Variants in TMPRSS7 observed in about 807,000 individuals in gnomAD.
TMPRSS7 encodes transmembrane protease serine 7.
TMPRSS7 carries 81 observed loss-of-function variants against 95.6 expected under a neutral mutation model. The ratio of observed to expected loss-of-function variants is 0.85; its 90% CI spans 0.71 to 1.02. The LOEUF (loss-of-function observed/expected upper bound fraction) is 1.02, where lower values mean the gene tolerates loss of function less well. Among genes scored for constraint, TMPRSS7 ranks in the 50% least tolerant of loss-of-function variants. The probability of loss-of-function intolerance (pLI) is 0.00; values close to 1 mark genes in which losing one functional copy is unlikely to be tolerated. For synonymous variants in TMPRSS7, 364 were observed against 337.8 expected, an observed-to-expected ratio of 1.08 and a Z score of -0.85; for missense variants, 945 against 955.2, an observed-to-expected ratio of 0.99 and a Z score of 0.14.
chr3:112,059,857 A>G (rs2073477688), intron 10 of TMPRSS7, among the ~76,000 whole-genome samples: 2 of 152,230 alleles, frequency 1.3e-5, no homozygotes, highest in Non-Finnish European at 1.5e-5. Context: ...TGTCTGATCC[A>G]TGGAAGATGC....
At chr3:112,052,055 G>A (rs2073367084) in intron 9 of TMPRSS7, among the ~76,000 whole-genome samples, 1 of 152,012 alleles carries the variant, frequency 6.6e-6, no homozygotes, top group Admixed American at 6.5e-5. Context: ...TCCAGTAGGG[G>A]AAGGCAAGTA....
chr3:112,034,767 A>G (rs2073139814), upstream of TMPRSS7: 9 of 689,368 alleles, frequency 1.3e-5, no homozygotes, highest in Admixed American at 8.4e-5. Flanking sequence ...GGTTCTCTCA[A>G]TTCTTCTCAA....
intron 13 of TMPRSS7, among the ~76,000 whole-genome samples, chr3:112,072,706 G>A (rs186579649): frequency 1.4e-4 from 21 of 152,346 alleles, no homozygotes; most frequent in Non-Finnish European, 7.3e-5. Context: ...CCAGGCTGCC[G>A]CCTGGCAGTT....
chr3:112,049,753 G>C, intron 7 of TMPRSS7, 91 bp from the exon 8 acceptor site: 1 of 1,106,632 alleles, frequency 9.0e-7, no homozygotes, highest in East Asian at 2.5e-5. Flanking sequence ...TGAATGGATG[G>C]CCCAGGAAAT....
intron 8 of TMPRSS7, 150 bp downstream of exon 8, chr3:112,050,124 G>T: frequency 5.5e-6 from 4 of 724,118 alleles, no homozygotes; most frequent in East Asian, 3.1e-5. Flanking sequence ...GACCATATTA[G>T]TTATTTAGAC....
At chr3:112,051,281 A>G (rs190432475) in intron 9 of TMPRSS7, among the ~76,000 whole-genome samples, 20 of 152,278 alleles carry the variant, frequency 1.3e-4, no homozygotes, top group Admixed American at 5.9e-4. Flanking sequence ...TATAACAACT[A>G]TTTATATAGA....
At chr3:112,072,121 A>G (rs2107760563) in intron 13 of TMPRSS7, among the ~76,000 whole-genome samples, 1 of 152,214 alleles carries the variant, frequency 6.6e-6, no homozygotes, top group East Asian at 1.9e-4. Flanking sequence ...TGACTTACAG[A>G]TGGGGTTTTG....
rs1415230882 is a variant in TMPRSS7 at position 112,061,784 on chromosome 3, C to G, written c.1311-3C>G. On this transcript the variant is annotated splice_polypyrimidine_tract_variant and splice_region_variant and intron_variant, in intron 10 of 17. Transcript: ENST00000452346. ...GTATTCTCCCCGACTCTTGTCTCCC[C>G]AGGTACTGTGGCTCCTACATGGATC... The G allele has an allele frequency of 6.2e-7, 1 of 1,601,696 alleles. No homozygotes were observed. Among genetic ancestry groups the G allele is most frequent in the Admixed American group, 1.7e-5 (1 of 58,916 alleles).
At chr3:112,042,013 G>C in exon 3 of TMPRSS7, 1 of 1,551,594 alleles carries the variant, frequency 6.4e-7, no homozygotes, top group Admixed American at 2.0e-5. Context: ...AAGGAGTCCA[G>C]GGAATTTCTT....
chr3:112,066,651 G>T, intron 13 of TMPRSS7, 149 bp downstream of exon 13: 1 of 678,582 alleles, frequency 1.5e-6, no homozygotes, highest in Non-Finnish European at 2.5e-6. Context: ...AAAGTCCCTT[G>T]TCTTGGGAAC....
chr3:112,044,048 C>A (rs1168387257), intron 3 of TMPRSS7, among the ~76,000 whole-genome samples: 1 of 152,104 alleles, frequency 6.6e-6, no homozygotes, highest in East Asian at 1.9e-4. Context: ...TCACAGATAG[C>A]AGAATGAAAG....
rs2073540662 is a variant in TMPRSS7, at chr3:112,063,633, G to A, written c.1555+1G>A. 1.2e-6 allele frequency: 2 copies of A among 1,612,950 alleles called. No individual in the cohort carries two copies. Among genetic ancestry groups the A allele is most frequent in the East Asian group, 2.2e-5 (1 of 44,876 alleles). On this transcript the variant is annotated splice_donor_variant, in intron 12 of 17. Transcript: ENST00000452346. LOFTEE classifies it high-confidence loss of function. ...GATGAAAGTGATGAACTGTTTTGCGGTGGGTATTCAAGATTTTAATATGAC... is the reference window on the plus strand; with the variant it reads ...GATGAAAGTGATGAACTGTTTTGCGATGGGTATTCAAGATTTTAATATGAC...
At chr3:112,045,195 T>A (rs934318724) in intron 4 of TMPRSS7, among the ~76,000 whole-genome samples, 6 of 152,222 alleles carry the variant, frequency 3.9e-5, no homozygotes, top group African/African-American at 1.4e-4. Flanking sequence ...TCGCCCAGGC[T>A]GGAGTACAAT....
intron 8 of TMPRSS7, 127 bp from the exon 9 acceptor site, chr3:112,050,544 A>AT: frequency 2.4e-6 from 1 of 413,030 alleles, no homozygotes; most frequent in Non-Finnish European, 4.4e-6. Flanking sequence ...AAAAACCCAA[A>AT]GTTTAAGAAA....
intron 11 of TMPRSS7, 129 bp from the exon 12 acceptor site, chr3:112,063,396 C>T: frequency 1.5e-6 from 1 of 681,344 alleles, no homozygotes; most frequent in Non-Finnish European, 2.6e-6. Flanking sequence ...TTGATGAAGA[C>T]ACTATGTAAT....
intron 13 of TMPRSS7, 66 bp from the exon 14 acceptor site, chr3:112,074,230 C>A: frequency 8.7e-7 from 1 of 1,143,190 alleles, no homozygotes; most frequent in Non-Finnish European, 1.3e-6. Context: ...GTTATTCATT[C>A]AAATCTCATT....
chr3:112,064,085 C>G (rs1242576548), intron 12 of TMPRSS7, among the ~76,000 whole-genome samples: 1 of 152,174 alleles, frequency 6.6e-6, no homozygotes, highest in Admixed American at 6.5e-5. Flanking sequence ...AGAACAAAGT[C>G]AGGGGCAGGG....
At chr3:112,076,909 C>A in exon 16 of TMPRSS7, 1 of 1,614,156 alleles carries the variant, frequency 6.2e-7, no homozygotes, top group Non-Finnish European at 8.5e-7. Context: ...CTGCACACCT[C>A]GGGATGTATG....
rs1219892510 is a variant in TMPRSS7 at position 112,044,007 on chromosome 3, A to G, written c.430-248A>G. ...ATACAGAAGTTAAGTTTGAGTTTAA[A>G]GAGAGCAATAAATGACTTTTCACTG... On this transcript the variant is annotated intron_variant, in intron 3 of 17. Transcript: ENST00000452346. Among the ~76,000 whole-genome samples the G allele has an allele frequency of 2.0e-5, 3 of 152,374 alleles. No homozygotes were observed. In the South Asian group the frequency reaches 6.2e-4, roughly 32 times the overall value.
Sources: allele counts gnomAD v4.1 joint callset (sites outside exome capture counted in the v4.1 genomes callset), GRCh38; gene constraint gnomAD v4.1.1; transcripts MANE v1.5; gene names NCBI Gene and HGNC (gene_info 2026-07-23, HGNC 2026-07-21).